Variants in RECQL5 observed in about 807,000 individuals in gnomAD.
RECQL5 encodes the protein RecQ like helicase 5, also known as ATP-dependent DNA helicase Q5.
RECQL5 carries 88 observed loss-of-function variants against 103.4 expected under a neutral mutation model. The observed-to-expected ratio is 0.85, with a 90% CI of 0.72 to 1.02. The LOEUF (loss-of-function observed/expected upper bound fraction) is 1.02, where lower values mean the gene tolerates loss of function less well. RECQL5 is among the 50% of genes least tolerant of loss of function. The probability of loss-of-function intolerance (pLI) is 0.00; values close to 1 mark genes in which losing one functional copy is unlikely to be tolerated. For missense variants in RECQL5, 1,232 were observed against 1,284.3 expected (o/e 0.96, Z 0.62); for synonymous variants, 552 against 507.9 (o/e 1.09, Z -1.17).
At chr17:75,650,059 C>G (rs2059535582) in intron 8 of RECQL5, 1 of 985,536 alleles carries the variant, frequency 1.0e-6, no homozygotes, top group Non-Finnish European at 1.2e-6. Context: ...AAACAGGACT[C>G]ACAATGAACA....
chr17:75,654,744 T>C (rs941732379), intron 7 of RECQL5, among the ~76,000 whole-genome samples: 3 of 152,128 alleles, frequency 2.0e-5, no homozygotes, highest in African/African-American at 7.2e-5. Flanking sequence ...CTCAGCATCC[T>C]GAGTAGCTAG....
rs1344003289 is a variant in RECQL5, at chr17:75,637,355, CAGAG to C, written c.1230-5691_1230-5688del. 3.3e-5 allele frequency: 5 copies of C among 152,460 alleles called. 1 individual carries two copies. The highest frequency in any genetic ancestry group is 4.8e-5 in the African/African-American group (2 of 41,544). 9.4% of individuals were successfully genotyped at this position (152,460 alleles called of 1,614,324 possible). On this transcript the variant is annotated intron_variant, in intron 8 of 19. Coordinates refer to ENST00000317905, the MANE Select transcript of RECQL5 (RefSeq NM_004259.7). The stretch of plus-strand genomic sequence containing the variant: ...CTGAAAACGCCAGACCAAGTGTAGA[CAGAG>C]AGGGAGGGGAGAAAGGCAGCCCAGC...
At chr17:75,655,353 G>A (rs1287816639) in intron 7 of RECQL5, among the ~76,000 whole-genome samples, 1 of 151,698 alleles carries the variant, frequency 6.6e-6, no homozygotes, top group Non-Finnish European at 1.5e-5. Context: ...TTACAAGCAT[G>A]AGCCCCTGCG....
intron 8 of RECQL5, among the ~76,000 whole-genome samples, chr17:75,631,907 G>C (rs139218523): frequency 6.6e-6 from 1 of 152,248 alleles, no homozygotes; most frequent in African/African-American, 2.4e-5. Context: ...GGGGTCTCCC[G>C]GGAAGCAGGA....
intron 8 of RECQL5, chr17:75,635,959 G>A (rs896121524): frequency 2.0e-5 from 12 of 604,974 alleles, no homozygotes; most frequent in South Asian, 1.5e-4. Flanking sequence ...GCAAGGCTCC[G>A]TGTGCCAGGA....
chr17:75,665,014 CT>C, intron 3 of RECQL5, 36 bp downstream of exon 3: 1 of 1,500,956 alleles, frequency 6.7e-7, no homozygotes, highest in Non-Finnish European at 8.9e-7. Context: ...TTCCCCGAAT[CT>C]TTTTGGGCTA....
In RECQL5 at chr17:75,627,383, T is replaced by A; in HGVS notation, c.*39A>T. On this transcript the variant is annotated 3_prime_UTR_variant, in exon 20 of 20. Coordinates refer to ENST00000317905, the MANE Select transcript of RECQL5 (RefSeq NM_004259.7). ...AGGCCCAGGATGACCCATGCTAGAATCTGGGGGAGGACGCGGGCCCTGCCC... is the reference window on the plus strand; with the variant it reads ...AGGCCCAGGATGACCCATGCTAGAAACTGGGGGAGGACGCGGGCCCTGCCC... 6.7e-7 allele frequency: 1 copy of A among 1,491,440 alleles called. No individual in the cohort carries two copies. The highest frequency in any genetic ancestry group is 9.3e-7 in the Non-Finnish European group (1 of 1,069,856). 92.4% of individuals were successfully genotyped at this position (1,491,440 alleles called of 1,614,324 possible).
intron 8 of RECQL5, chr17:75,633,914 C>T (rs2059269492): frequency 1.0e-6 from 1 of 987,758 alleles, no homozygotes; most frequent in African/African-American, 1.7e-5. Flanking sequence ...TTGTCTTGTC[C>T]CTGAGCAGCG....
intron 8 of RECQL5, chr17:75,649,551 C>T (rs772087775): frequency 4.3e-5 from 38 of 881,314 alleles, no homozygotes; most frequent in Non-Finnish European, 4.5e-5. Context: ...GCCAGGTGCC[C>T]GCCCCAAGGG....
intron 7 of RECQL5, among the ~76,000 whole-genome samples, chr17:75,657,197 C>G (rs1049528232): frequency 1.3e-5 from 2 of 152,086 alleles, no homozygotes; most frequent in Admixed American, 6.5e-5. Flanking sequence ...AACAAGAGCT[C>G]GTCTCTACAA....
chr17:75,650,773 T>A, intron 8 of RECQL5: 1 of 1,581,206 alleles, frequency 6.3e-7, no homozygotes, highest in Non-Finnish European at 8.6e-7. Flanking sequence ...CTCCCCGAGG[T>A]AAGTGGGGCC....
intron 3 of RECQL5, among the ~76,000 whole-genome samples, chr17:75,663,916 T>C (rs2059732008): frequency 6.6e-6 from 1 of 151,690 alleles, no homozygotes; most frequent in Non-Finnish European, 1.5e-5. Flanking sequence ...TAGCCAGGCA[T>C]GGTGGCGCAT....
chr17:75,632,222 TG>T (rs2059231093), intron 8 of RECQL5, among the ~76,000 whole-genome samples: 1 of 152,248 alleles, frequency 6.6e-6, no homozygotes, highest in South Asian at 2.1e-4. Flanking sequence ...TCTATGCTTA[TG>T]TGTGCTTAGA....
At chr17:75,635,691 A>T in intron 8 of RECQL5, 1 of 658,724 alleles carries the variant, frequency 1.5e-6, no homozygotes, top group Non-Finnish European at 1.9e-6. Flanking sequence ...GCCTCCTTCT[A>T]GGTGGACCTC....
intron 8 of RECQL5, 127 bp downstream of exon 8, chr17:75,651,059 A>G (rs1661745): frequency 0.38 from 594,804 of 1,580,206 alleles, 116,754 homozygotes; most frequent in African/African-American, 0.63. Flanking sequence ...CCGACACAAC[A>G]GCCTTTGCAG....
At chr17:75,634,962 C>T (rs1356483029) in intron 8 of RECQL5, among the ~76,000 whole-genome samples, 1 of 152,138 alleles carries the variant, frequency 6.6e-6, no homozygotes, top group Non-Finnish European at 1.5e-5. Flanking sequence ...AAGCAGGACC[C>T]GGCTGTTTGG....
intron 2 of RECQL5, among the ~76,000 whole-genome samples, chr17:75,665,683 C>CT (rs1332401590): frequency 7.8e-6 from 1 of 128,098 alleles, no homozygotes; most frequent in Non-Finnish European, 1.6e-5. Context: ...GAGCAAGACT[C>CT]TGTTTCAAAA....
At chr17:75,663,663 C>T (rs1327580600) in intron 3 of RECQL5, among the ~76,000 whole-genome samples, 3 of 152,154 alleles carry the variant, frequency 2.0e-5, no homozygotes, top group African/African-American at 7.2e-5. Context: ...ACTTAATCGC[C>T]ACATGCTCGC....
In RECQL5 at chr17:75,628,374, G is replaced by C; in HGVS notation, c.2649C>G (p.Val883=). The change falls in exon 18 of 20, where the codon GTC becomes GTG. Residue 883 remains valine (V), a synonymous_variant. Transcript: ENST00000317905. ...PSAKPSVVAE[V]KGSVSASEQG... is the part of the protein sequence containing the mutation. ...GTTCGCTGGCCGAGACGCTGCCCTT[G>C]ACCTCAGCTACGACGGAGGGCTTGG... is the stretch of plus-strand genomic sequence containing the variant. The C allele has an allele frequency of 2.5e-6, 4 of 1,614,050 alleles. No homozygotes were observed. The highest frequency in any genetic ancestry group is 3.4e-6 in the Non-Finnish European group (4 of 1,180,022).
Sources: gnomAD v4.1 joint callset for allele counts (sites outside exome capture counted in the v4.1 genomes callset) on GRCh38, gnomAD v4.1.1 for gene constraint, MANE v1.5 for transcripts, NCBI Gene and HGNC (gene_info 2026-07-23, HGNC 2026-07-21) for gene names.